Variants in FSIP1 observed in about 807,000 individuals in gnomAD.
The protein encoded by FSIP1 is fibrous sheath interacting protein 1, also known as fibrous sheath-interacting protein 1.
In FSIP1, 65 loss-of-function variants were observed where a neutral mutation model predicts 60.9. The ratio of observed to expected loss-of-function variants is 1.07; its 90% CI spans 0.87 to 1.31. FSIP1 has a LOEUF of 1.31. Among genes scored for constraint, FSIP1 ranks in the 40% most tolerant of loss-of-function variants. The pLI is 0.00. For synonymous variants in FSIP1, 209 were observed against 221.2 expected (o/e 0.94, Z 0.49); for missense variants, 675 against 665.5 (o/e 1.01, Z -0.16).
intron 10 of FSIP1, among the ~76,000 whole-genome samples, chr15:39,669,676 G>A (rs1396617701): frequency 1.3e-5 from 2 of 152,150 alleles, no homozygotes; most frequent in Non-Finnish European, 2.9e-5. Flanking sequence ...TTGGAAGAAA[G>A]TTATGAGGCT....
intron 10 of FSIP1, among the ~76,000 whole-genome samples, chr15:39,629,304 A>G (rs1891781932): frequency 6.6e-6 from 1 of 152,186 alleles, no homozygotes; most frequent in African/African-American, 2.4e-5. Flanking sequence ...CGCCCTCGGA[A>G]GGTTTACACT....
At chr15:39,633,445 C>T (rs762063642) in intron 10 of FSIP1, among the ~76,000 whole-genome samples, 4 of 152,050 alleles carry the variant, frequency 2.6e-5, no homozygotes, top group South Asian at 2.1e-4. Context: ...TTTTTTTATT[C>T]GTAAAATGCA....
intron 9 of FSIP1, among the ~76,000 whole-genome samples, chr15:39,725,216 C>T (rs972649882): frequency 3.3e-5 from 5 of 152,102 alleles, no homozygotes; most frequent in East Asian, 1.9e-4. Context: ...GGTGACAGAG[C>T]GAGATTCCGT....
At chr15:39,693,926 T>G (rs964163092) in intron 10 of FSIP1, among the ~76,000 whole-genome samples, 12 of 152,118 alleles carry the variant, frequency 7.9e-5, no homozygotes, top group African/African-American at 2.7e-4. Context: ...AGAATAGATT[T>G]TAAATATTCT....
chr15:39,767,803 G>A (rs551903736), intron 3 of FSIP1, among the ~76,000 whole-genome samples: 40 of 152,210 alleles, frequency 2.6e-4, no homozygotes, highest in African/African-American at 8.4e-4. Context: ...CTCCATCCCC[G>A]TTCCAGCTCC....
intron 10 of FSIP1, among the ~76,000 whole-genome samples, chr15:39,659,626 T>TAAAAAAA (rs150262830): frequency 2.2e-5 from 3 of 133,738 alleles, no homozygotes; most frequent in African/African-American, 5.6e-5. Flanking sequence ...AGCTGTTATT[T>TAAAAAAA]TAAAAAAAAA....
intron 3 of FSIP1, among the ~76,000 whole-genome samples, chr15:39,766,229 T>C (rs1262448028): frequency 6.6e-6 from 1 of 152,216 alleles, no homozygotes; most frequent in African/African-American, 2.4e-5. Context: ...TTGCAACATA[T>C]AGAAAGAAAA....
At chr15:39,764,440 G>A (rs553242592) in intron 4 of FSIP1, among the ~76,000 whole-genome samples, 1 of 152,204 alleles carries the variant, frequency 6.6e-6, no homozygotes, top group South Asian at 2.1e-4. Flanking sequence ...TCATAAAAAT[G>A]TATTTTTAAT....
chr15:39,608,689 C>T (rs1890915584), intron 11 of FSIP1, among the ~76,000 whole-genome samples: 1 of 152,274 alleles, frequency 6.6e-6, no homozygotes. Context: ...AACTCTGCTG[C>T]TAAATAAAAA....
intron 5 of FSIP1, among the ~76,000 whole-genome samples, chr15:39,757,067 C>T (rs956467163): frequency 2.4e-4 from 36 of 151,964 alleles, no homozygotes; most frequent in Admixed American, 2.2e-3. Flanking sequence ...CTAGATGCTG[C>T]CACCTACTGG....
At chr15:39,659,959 A>C (rs1893232148) in intron 10 of FSIP1, among the ~76,000 whole-genome samples, 1 of 152,180 alleles carries the variant, frequency 6.6e-6, no homozygotes, top group South Asian at 2.1e-4. Flanking sequence ...TGAAATAAAC[A>C]CAAGACTTAG....
At chr15:39,616,571 G>A (rs901247980) in intron 11 of FSIP1, among the ~76,000 whole-genome samples, 1 of 152,166 alleles carries the variant, frequency 6.6e-6, no homozygotes, top group Non-Finnish European at 1.5e-5. Flanking sequence ...AACAACAGCA[G>A]AAGCTAGGAA....
chr15:39,623,994 C>T (rs1047260225), intron 10 of FSIP1, among the ~76,000 whole-genome samples: 4 of 152,168 alleles, frequency 2.6e-5, no homozygotes, highest in African/African-American at 9.7e-5. Flanking sequence ...TGTCCTTTAG[C>T]TCTCTATATT....
chr15:39,733,307 A>G (rs190357076), intron 8 of FSIP1, among the ~76,000 whole-genome samples: 1 of 152,358 alleles, frequency 6.6e-6, no homozygotes, highest in Admixed American at 6.5e-5. Context: ...CAGAGATTAC[A>G]TGCGTGAGCC....
chr15:39,766,446 C>T (rs1169061008), intron 3 of FSIP1, among the ~76,000 whole-genome samples: 3 of 152,148 alleles, frequency 2.0e-5, no homozygotes, highest in Non-Finnish European at 2.9e-5. Context: ...TATTTTTAAA[C>T]TTTATATCAT....
chr15:39,770,559 T>C lies in FSIP1; in HGVS notation c.178A>G (p.Ser60Gly), dbSNP rs757959090. The C allele has an allele frequency of 6.2e-7, 1 of 1,602,854 alleles. No homozygotes were observed. The highest frequency in any genetic ancestry group is 8.5e-7 in the Non-Finnish European group (1 of 1,176,664). The change falls in exon 3 of 12, where the codon AGT becomes GGT. Residue 60 changes from serine to glycine, a missense_variant. By Grantham distance (56) the Ser-to-Gly change is moderately conservative. Coordinates refer to ENST00000350221, the MANE Select transcript of FSIP1 (RefSeq NM_152597.5). ...NSGKEDHSESSNTENRRTSND... is the reference protein window; with the variant it reads ...NSGKEDHSESGNTENRRTSND... ...CTAGTTCTTCTGTTCTCTGTATTAC[T>C]GCTTTCGGAGTGGTCCTCTTTACCA...
intron 3 of FSIP1, among the ~76,000 whole-genome samples, chr15:39,768,908 A>T (rs1048616903): frequency 2.0e-5 from 3 of 152,228 alleles, no homozygotes; most frequent in Non-Finnish European, 4.4e-5. Context: ...GTGGTTAACT[A>T]AATTATGCAG....
chr15:39,640,547 C>A (rs993785500), intron 10 of FSIP1, among the ~76,000 whole-genome samples: 1 of 152,044 alleles, frequency 6.6e-6, no homozygotes, highest in African/African-American at 2.4e-5. Flanking sequence ...CGGGTCGCAG[C>A]GGAAAGAAAA....
In FSIP1 at chr15:39,714,824, AT is replaced by A. The variant is rs199692168; in HGVS notation, c.1051-1244del. ...TATCTACAAAATAAAAAATAAAAAA[AT>A]AATTAGCCAGACACGGTAACACCTA... On this transcript the variant is annotated intron_variant, in intron 9 of 11. Transcript: ENST00000350221. Among the ~76,000 whole-genome samples the A allele has an allele frequency of 9.2e-3, 1,386 of 150,700 alleles. 26 individuals are homozygous for A. The highest frequency in any genetic ancestry group is 0.032 in the African/African-American group (1,327 of 41,010).
Sources: allele counts gnomAD v4.1 joint callset (sites outside exome capture counted in the v4.1 genomes callset), GRCh38; gene constraint gnomAD v4.1.1; transcripts MANE v1.5; gene names NCBI Gene and HGNC (gene_info 2026-07-23, HGNC 2026-07-21).